The following ANO2 variants were observed in gnomAD, a reference collection of about 807,000 sequenced individuals.
ANO2 encodes the protein anoctamin-2.
Under a neutral mutation model 124.2 loss-of-function variants are expected in ANO2, and 101 were observed. The observed-to-expected ratio is 0.81, with a 90% CI of 0.69 to 0.96. ANO2 has a LOEUF of 0.96. Among genes scored for constraint, ANO2 ranks in the 40% least tolerant of loss-of-function variants. The pLI is 0.00. For missense variants in ANO2, 1,293 were observed against 1,274.5 expected, an observed-to-expected ratio of 1.01 and a Z score of -0.22; for synonymous variants, 486 against 482.5, an observed-to-expected ratio of 1.01 and a Z score of -0.09.
intron 20 of ANO2, among the ~76,000 whole-genome samples, chr12:5,583,464 T>A (rs949634275): frequency 5.9e-5 from 9 of 151,634 alleles, no homozygotes; most frequent in Admixed American, 6.6e-5. Context: ...CCATCTTGGC[T>A]AACACGGTGA....
chr12:5,620,209 G>C (rs543217457), intron 16 of ANO2, among the ~76,000 whole-genome samples: 1 of 152,338 alleles, frequency 6.6e-6, no homozygotes, highest in South Asian at 2.1e-4. Context: ...GTAATTCAGA[G>C]AGGAAATTTC....
rs559498293 is a variant in ANO2, at chr12:5,726,991, C to A, written c.1545+5529G>T. On this transcript the variant is annotated intron_variant, in intron 14 of 24. Transcript: ENST00000682330. ...CCGGGGTCCTTATATATGGTTATCA[C>A]CTCATTACAGTACAGAGCATTTCAT... Among the ~76,000 whole-genome samples, 11 of 152,306 alleles carry A rather than the reference C, an allele frequency of 7.2e-5. No individual in the cohort carries two copies. In the South Asian group the frequency reaches 2.3e-3, roughly 32 times the overall value.
chr12:5,833,071 T>C (rs917371875), intron 4 of ANO2, among the ~76,000 whole-genome samples: 1 of 152,256 alleles, frequency 6.6e-6, no homozygotes, highest in South Asian at 2.1e-4. Context: ...ATTTAACTCA[T>C]GTCAACCTAA....
intron 22 of ANO2, among the ~76,000 whole-genome samples, chr12:5,577,433 C>T (rs905407848): frequency 2.0e-5 from 3 of 152,206 alleles, no homozygotes; most frequent in African/African-American, 7.2e-5. Flanking sequence ...GCAGTGTAGA[C>T]ATATCTGGCA....
At chr12:5,914,161 C>G (rs986497247) in intron 3 of ANO2, among the ~76,000 whole-genome samples, 1 of 151,782 alleles carries the variant, frequency 6.6e-6, no homozygotes, top group Non-Finnish European at 1.5e-5. Context: ...GATTGCGCTA[C>G]TGCACTCCAG....
chr12:5,618,587 T>C (rs1172298840), intron 16 of ANO2, among the ~76,000 whole-genome samples: 1 of 152,186 alleles, frequency 6.6e-6, no homozygotes, highest in East Asian at 1.9e-4. Flanking sequence ...TCAAAAAAAC[T>C]AGTTTTTAAC....
intron 3 of ANO2, among the ~76,000 whole-genome samples, chr12:5,915,413 C>T (rs1449373066): frequency 6.6e-6 from 1 of 152,144 alleles, no homozygotes; most frequent in East Asian, 1.9e-4. Context: ...ATCATCCTGT[C>T]AAAAGCATGC....
chr12:5,877,142 A>G (rs1938161424), intron 3 of ANO2, among the ~76,000 whole-genome samples: 1 of 152,136 alleles, frequency 6.6e-6, no homozygotes, highest in South Asian at 2.1e-4. Context: ...TGCAGATAGA[A>G]TTTGTTTAGA....
chr12:5,739,622 C>CACACAA (rs1367867309), intron 12 of ANO2, among the ~76,000 whole-genome samples: 1 of 151,812 alleles, frequency 6.6e-6, no homozygotes, highest in Non-Finnish European at 1.5e-5. Flanking sequence ...CACACACACA[C>CACACAA]ACACACACGC....
At chr12:5,789,466 G>C (rs372181603) in intron 10 of ANO2, among the ~76,000 whole-genome samples, 1 of 152,218 alleles carries the variant, frequency 6.6e-6, no homozygotes, top group Non-Finnish European at 1.5e-5. Flanking sequence ...AAAGAAACCA[G>C]TAAGGATGAG....
chr12:5,655,619 G>A (rs1353739635), intron 14 of ANO2, among the ~76,000 whole-genome samples: 1 of 152,194 alleles, frequency 6.6e-6, no homozygotes. Flanking sequence ...TAAATTGTTG[G>A]CAATGTGACT....
intron 24 of ANO2, chr12:5,564,492 T>G (rs940838597): frequency 1.3e-5 from 2 of 152,506 alleles, no homozygotes; most frequent in African/African-American, 4.8e-5. Flanking sequence ...TCACATGCCT[T>G]TTCCCCTCTG....
intron 10 of ANO2, among the ~76,000 whole-genome samples, chr12:5,762,399 A>C (rs927644194): frequency 2.6e-5 from 4 of 152,024 alleles, no homozygotes; most frequent in African/African-American, 7.2e-5. Flanking sequence ...TTACATAACA[A>C]TTTGAAACTA....
rs570464438 is a variant in ANO2, at chr12:5,628,688, G to A, written c.1816+6464C>T. 1.1e-4 allele frequency among the ~76,000 whole-genome samples: 15 copies of A among 134,800 alleles called. No homozygotes were observed. In the South Asian group the frequency reaches 1.8e-3, roughly 16 times the overall value. The allele number at this position is 134,800 out of a possible 152,430, so 88.4% of individuals were successfully genotyped here. A position where few individuals can be genotyped will look rare whatever the true frequency, so the allele number is the denominator to read the frequency against. On this transcript the variant is annotated intron_variant, in intron 16 of 24. Transcript: ENST00000682330. ...AGAGAGTGTGTGTGTGTGTGTGTGTGCGCGCGCGCACGCGTGCGTGCACAT... is the reference window on the plus strand; with the variant it reads ...AGAGAGTGTGTGTGTGTGTGTGTGTACGCGCGCGCACGCGTGCGTGCACAT...
chr12:5,849,882 G>C (rs1046902684), intron 4 of ANO2, among the ~76,000 whole-genome samples: 2 of 152,108 alleles, frequency 1.3e-5, no homozygotes, highest in Non-Finnish European at 1.5e-5. Flanking sequence ...TTTAAAAAGA[G>C]AGCATGCCAC....
At chr12:5,637,712 C>T (rs946471751) in intron 15 of ANO2, among the ~76,000 whole-genome samples, 1 of 152,162 alleles carries the variant, frequency 6.6e-6, no homozygotes, top group South Asian at 2.1e-4. Flanking sequence ...CTTTCCCACC[C>T]TCCTTTCCTC....
rs1591625338 is a variant in ANO2, at chr12:5,794,487, C to T, written c.1055+5020G>A. Among the ~76,000 whole-genome samples the T allele has an allele frequency of 2.0e-5, 3 of 152,232 alleles. No homozygotes were observed. In the South Asian group the frequency reaches 6.2e-4, roughly 32 times the overall value. On this transcript the variant is annotated intron_variant, in intron 10 of 24. Transcript: ENST00000682330. Reference sequence around the variant, plus strand: ...CTAAACTATAAATCCTTATACAGGGCAGTCCAGGCTGGTTACAAAGACACA... The same window carrying T: ...CTAAACTATAAATCCTTATACAGGGTAGTCCAGGCTGGTTACAAAGACACA...
chr12:5,743,181 C>T (rs187299072), intron 12 of ANO2, among the ~76,000 whole-genome samples: 23 of 151,868 alleles, frequency 1.5e-4, no homozygotes, highest in African/African-American at 4.6e-4. Context: ...TCTCCTCATA[C>T]GCTCAGGGAC....
At chr12:5,848,649 C>T (rs973979403) in intron 4 of ANO2, among the ~76,000 whole-genome samples, 7 of 152,282 alleles carry the variant, frequency 4.6e-5, no homozygotes, top group Non-Finnish European at 7.3e-5. Context: ...CAGGTGGAGC[C>T]GTCGTGTTTA....
Sources: allele counts gnomAD v4.1 joint callset (sites outside exome capture counted in the v4.1 genomes callset), GRCh38; gene constraint gnomAD v4.1.1; transcripts MANE v1.5; gene names NCBI Gene and HGNC (gene_info 2026-07-23, HGNC 2026-07-21).